Variants in TMEM271 observed in about 807,000 individuals in gnomAD.
TMEM271 encodes the protein transmembrane protein 271.
In TMEM271 at chr4:576,253, G is replaced by A; in HGVS notation, c.-191C>T. 1.3e-5 allele frequency: 2 copies of A among 152,038 alleles called. No homozygotes were observed. Among genetic ancestry groups the A allele is most frequent in the Non-Finnish European group, 1.4e-5 (1 of 71,680 alleles). The allele number at this position is 152,038 out of a possible 1,614,324, so 9.4% of individuals were successfully genotyped here. The stretch of plus-strand genomic sequence containing the variant: ...GCCTCCCGCCGCCGCCGCCGCCGCC[G>A]CCGCCGCCGCGACCCCGCGCCGGGA... On this transcript the variant is annotated 5_prime_UTR_variant, in exon 1 of 1. Coordinates refer to ENST00000610212, the MANE Select transcript of TMEM271 (RefSeq NM_001362796.2).
At position 574,737 on chromosome 4, in the gene TMEM271, AG is replaced by A. The variant is rs972964527; in HGVS notation, c.*167del. On this transcript the variant is annotated 3_prime_UTR_variant, in exon 1 of 1. Coordinates refer to ENST00000610212, the MANE Select transcript of TMEM271 (RefSeq NM_001362796.2). ...CCTCCTGTGGTCACGGAGCCCGCAG[AG>A]GGGGCCAGGCCGGAGGCTGCAAAGC... 2.6e-5 allele frequency: 10 copies of A among 391,524 alleles called. No individual in the cohort carries two copies. Among genetic ancestry groups the A allele is most frequent in the African/African-American group, 6.2e-5 (3 of 48,332 alleles). The allele number at this position is 391,524 out of a possible 1,614,324, so 24.3% of individuals were successfully genotyped here.
chr4:574,263 C>T lies in TMEM271; in HGVS notation c.*642G>A, dbSNP rs1732391126. 1 of 152,220 alleles carries T rather than the reference C, an allele frequency of 6.6e-6. No individual in the cohort carries two copies. The highest frequency in any genetic ancestry group is 1.5e-5 in the Non-Finnish European group (1 of 68,046). 9.4% of individuals were successfully genotyped at this position (152,220 alleles called of 1,614,324 possible). A position where few individuals can be genotyped will look rare whatever the true frequency, so the allele number is the denominator to read the frequency against. ...CCACACTGACTTGTGCGTAGACATC[C>T]TCTAATTCCAATTTGATGAATATTC... On this transcript the variant is annotated 3_prime_UTR_variant, in exon 1 of 1. Coordinates refer to ENST00000610212, the MANE Select transcript of TMEM271 (RefSeq NM_001362796.2).
At position 575,256 on chromosome 4, in the gene TMEM271, C is replaced by A. The variant is rs1732410417; in HGVS notation, c.807G>T (p.Gly269=). The A allele has an allele frequency of 6.2e-6, 1 of 162,278 alleles. No individual in the cohort carries two copies. Among genetic ancestry groups the A allele is most frequent in the Non-Finnish European group, 1.3e-5 (1 of 76,450 alleles). 10.1% of individuals were successfully genotyped at this position (162,278 alleles called of 1,614,324 possible). The change falls in exon 1 of 1, where the codon GGG becomes GGT. Residue 269 remains glycine, a synonymous_variant. Coordinates refer to ENST00000610212, the MANE Select transcript of TMEM271 (RefSeq NM_001362796.2). ...RALARPRGGS[G]LRAQPPASRA... ...GAGAGGCGGGCGGCTGCGCGCGGAG[C>A]CCGGAGCCGCCGCGGGGCCGCGCCA...
rs531659290 is a variant in TMEM271 at position 576,232 on chromosome 4, C to CCCGCCGCCGCCG, written c.-182_-171dup. 7.4e-5 allele frequency: 11 copies of CCCGCCGCCGCCG among 149,342 alleles called. No homozygotes were observed. The highest frequency in any genetic ancestry group is 3.6e-4 in the South Asian group (2 of 5,536). 9.3% of individuals were successfully genotyped at this position (149,342 alleles called of 1,614,324 possible). A position where few individuals can be genotyped will look rare whatever the true frequency, so the allele number is the denominator to read the frequency against. Reference sequence around the variant, plus strand: ...CCGCCGGAGCCCGCATCCTCCGCCTCCCGCCGCCGCCGCCGCCGCCGCCGC... The same window carrying CCCGCCGCCGCCG: ...CCGCCGGAGCCCGCATCCTCCGCCTCCCGCCGCCGCCGCCGCCGCCGCCGCCGCCGCCGCCGC... On this transcript the variant is annotated 5_prime_UTR_variant, in exon 1 of 1. Coordinates refer to ENST00000610212, the MANE Select transcript of TMEM271 (RefSeq NM_001362796.2).
rs1156969033 is a variant in TMEM271, at chr4:575,862, G to C, written c.201C>G (p.Ala67=). Residue 67 remains alanine (A), a synonymous_variant, in exon 1 of 1, where the codon GCC becomes GCG. Transcript: ENST00000610212. ...CCCGGGGTCCGCAGCAGAGCAGGGC[G>C]GCGCCGAGCAGTGAGAGGCCGGCGG... ...LLAAGLSLLG[A]ALLCCGPRDA... The C allele has an allele frequency of 1.1e-5, 4 of 369,592 alleles. No individual in the cohort carries two copies. Among genetic ancestry groups the C allele is most frequent in the African/African-American group, 8.5e-5 (4 of 47,158 alleles). The allele number at this position is 369,592 out of a possible 1,614,324, so 22.9% of individuals were successfully genotyped here. A position where few individuals can be genotyped will look rare whatever the true frequency, so the allele number is the denominator to read the frequency against.
Position 575,639 on chromosome 4 carries a change from C to T in TMEM271, c.424G>A (p.Asp142Asn). Residue 142 changes from aspartate (D) to asparagine (N), a missense_variant, in exon 1 of 1, where the codon GAC becomes AAC. Coordinates refer to ENST00000610212, the MANE Select transcript of TMEM271 (RefSeq NM_001362796.2). ...VLSAFAGAVIDGDTVSLVERK... is the reference protein window; with the variant it reads ...VLSAFAGAVINGDTVSLVERK... The stretch of plus-strand genomic sequence containing the variant: ...TCCACCAGGGACACGGTGTCGCCGT[C>T]GATCACGGCGCCCGCGAATGCGCTG... The T allele has an allele frequency of 2.8e-6, 1 of 362,168 alleles. No homozygotes were observed. The allele number at this position is 362,168 out of a possible 1,614,324, so 22.4% of individuals were successfully genotyped here.
Position 575,709 on chromosome 4 carries a change from C to T in TMEM271, c.354G>A (p.Gln118=), listed in dbSNP as rs188202960. 1,218 of 356,206 alleles carry T rather than the reference C, an allele frequency of 3.4e-3. 18 individuals carry two copies. The highest frequency in any genetic ancestry group is 0.024 in the African/African-American group (1,104 of 46,780). The allele number at this position is 356,206 out of a possible 1,614,324, so 22.1% of individuals were successfully genotyped here. The change falls in exon 1 of 1, where the codon CAG becomes CAA. Residue 118 remains glutamine, a synonymous_variant. Transcript: ENST00000610212. ...CCAGGACGCCGAGCAGAAGCAGGTT[C>T]TGGCTGCTCACCGGCCCCGGGGCCC... ...AAGAPGPVSS[Q]NLLLLGVLVF...
chr4:575,709 C>G lies in TMEM271; in HGVS notation c.354G>C (p.Gln118His), dbSNP rs188202960. 2.8e-6 allele frequency: 1 copy of G among 356,096 alleles called. No homozygotes were observed. The allele number at this position is 356,096 out of a possible 1,614,324, so 22.1% of individuals were successfully genotyped here. A position where few individuals can be genotyped will look rare whatever the true frequency, so the allele number is the denominator to read the frequency against. ...CCAGGACGCCGAGCAGAAGCAGGTT[C>G]TGGCTGCTCACCGGCCCCGGGGCCC... ...AAGAPGPVSS[Q>H]NLLLLGVLVF... The change falls in exon 1 of 1, where the codon CAG becomes CAC. Residue 118 changes from glutamine (Q) to histidine (H), a missense_variant. Transcript: ENST00000610212.
Position 575,941 on chromosome 4 carries a change from T to TC in TMEM271, c.121dup (p.Glu41GlyfsTer188). The stretch of plus-strand genomic sequence containing the variant: ...GGCGGCGGCCCCCAGGCGGAACGGC[T>TC]CCCCGCGCAGCTCCGAGCCCAACGA... On this transcript the variant is annotated frameshift_variant, in exon 1 of 1. Coordinates refer to ENST00000610212, the MANE Select transcript of TMEM271 (RefSeq NM_001362796.2). LOFTEE classifies it high-confidence loss of function. The TC allele has an allele frequency of 2.7e-6, 1 of 373,006 alleles. No individual in the cohort carries two copies. The highest frequency in any genetic ancestry group is 4.8e-6 in the Non-Finnish European group (1 of 209,974). The allele number at this position is 373,006 out of a possible 1,614,324, so 23.1% of individuals were successfully genotyped here.
In TMEM271 at chr4:574,103, T is replaced by C. The variant is rs543379770; in HGVS notation, c.*802A>G. 5 of 145,734 alleles carry C rather than the reference T, an allele frequency of 3.4e-5. No homozygotes were observed. The highest frequency in any genetic ancestry group is 2.0e-4 in the Admixed American group (3 of 14,702). The allele number at this position is 145,734 out of a possible 1,614,324, so 9.0% of individuals were successfully genotyped here. On this transcript the variant is annotated 3_prime_UTR_variant, in exon 1 of 1. Transcript: ENST00000610212. The stretch of plus-strand genomic sequence containing the variant: ...AAAAAAAAAGAAAAGAAAAAAGAAA[T>C]GTATGGGATGTGGCATCAGGGTCTC...
chr4:575,514 G>C lies in TMEM271; in HGVS notation c.549C>G (p.Pro183=), dbSNP rs1227251210. Residue 183 remains proline (P), a synonymous_variant, in exon 1 of 1, where the codon CCC becomes CCG. Coordinates refer to ENST00000610212, the MANE Select transcript of TMEM271 (RefSeq NM_001362796.2). Reference sequence around the variant, plus strand: ...CGGGGGCCGAGCCCGGCGCCGAGCCGGGGGCCGAGCCCGGGGCCGAGCCGG... The same window carrying C: ...CGGGGGCCGAGCCCGGCGCCGAGCCCGGGGCCGAGCCCGGGGCCGAGCCGG... ...STPGSAPGSA[P]GSAPGSAPGA... The C allele has an allele frequency of 1.6e-5, 5 of 306,148 alleles. No homozygotes were observed. Among genetic ancestry groups the C allele is most frequent in the East Asian group, 1.0e-4 (2 of 19,930 alleles). The allele number at this position is 306,148 out of a possible 1,614,324, so 19.0% of individuals were successfully genotyped here.
rs1037125935 is a variant in TMEM271, at chr4:574,463, T to A, written c.*442A>T. The A allele has an allele frequency of 1.3e-5, 2 of 158,920 alleles. No individual in the cohort carries two copies. Among genetic ancestry groups the A allele is most frequent in the African/African-American group, 4.8e-5 (2 of 41,744 alleles). 9.8% of individuals were successfully genotyped at this position (158,920 alleles called of 1,614,324 possible). Reference sequence around the variant, plus strand: ...GGTGTTCTCACTTCTTCTTTCTGAATTACCAGCTGCTCTGCGTCTCTGTCT... The same window carrying A: ...GGTGTTCTCACTTCTTCTTTCTGAAATACCAGCTGCTCTGCGTCTCTGTCT... On this transcript the variant is annotated 3_prime_UTR_variant, in exon 1 of 1. Transcript: ENST00000610212.
Position 575,503 on chromosome 4 carries a change from G to A in TMEM271, c.560C>T (p.Pro187Leu), listed in dbSNP as rs1577196621. 3.4e-5 allele frequency: 10 copies of A among 294,724 alleles called. No individual in the cohort carries two copies. In the East Asian group the frequency reaches 5.8e-4, roughly 17 times the overall value. 18.3% of individuals were successfully genotyped at this position (294,724 alleles called of 1,614,324 possible). ...GCGCGGGGCGCCGGGGGCCGAGCCC[G>A]GCGCCGAGCCGGGGGCCGAGCCCGG... ...SAPGSAPGSAPGSAPGAPRAR... is the reference protein window; with the variant it reads ...SAPGSAPGSALGSAPGAPRAR... The change falls in exon 1 of 1, where the codon CCG (proline) becomes CTG (leucine). Residue 187 changes from proline (P) to leucine (L), a missense_variant. Physicochemically the swap from Pro to Leu is moderately conservative, Grantham distance 98. Transcript: ENST00000610212.
rs1179908907 is a variant in TMEM271, at chr4:574,933, CGCGGCGTCTCGCAGGGCG to C, written c.1112_1129del (p.Pro371_Pro376del). On this transcript the variant is annotated inframe_deletion, in exon 1 of 1. Transcript: ENST00000610212. The stretch of plus-strand genomic sequence containing the variant: ...GCAGGCCCGATGGGTCTCCCAGGGC[CGCGGCGTCTCGCAGGGCG>C]GCCGGCAGCAGTAGGGGTAGGAGGC... The C allele has an allele frequency of 5.0e-6, 2 of 396,704 alleles. No individual in the cohort carries two copies. Among genetic ancestry groups the C allele is most frequent in the East Asian group, 7.2e-5 (2 of 27,958 alleles). The allele number at this position is 396,704 out of a possible 1,614,324, so 24.6% of individuals were successfully genotyped here. A position where few individuals can be genotyped will look rare whatever the true frequency, so the allele number is the denominator to read the frequency against.
Position 575,520 on chromosome 4 carries a change from C to CGAGCCCGGGGCCGAGCCGGGGGTT in TMEM271, c.519_542dup (p.Thr174_Ser181dup), listed in dbSNP as rs1455245861. On this transcript the variant is annotated inframe_insertion, in exon 1 of 1. Transcript: ENST00000610212. ...CCGAGCCCGGCGCCGAGCCGGGGGC[C>CGAGCCCGGGGCCGAGCCGGGGGTT]GAGCCCGGGGCCGAGCCGGGGGTTG... is the stretch of plus-strand genomic sequence containing the variant. 3.9e-5 allele frequency: 12 copies of CGAGCCCGGGGCCGAGCCGGGGGTT among 304,538 alleles called. No individual in the cohort carries two copies. The highest frequency in any genetic ancestry group is 1.4e-4 in the African/African-American group (6 of 41,820). 18.9% of individuals were successfully genotyped at this position (304,538 alleles called of 1,614,324 possible). A position where few individuals can be genotyped will look rare whatever the true frequency, so the allele number is the denominator to read the frequency against.
Position 575,379 on chromosome 4 carries a change from C to T in TMEM271, c.684G>A (p.Glu228=). The stretch of plus-strand genomic sequence containing the variant: ...GGAGGCTGAGCAGGCCCAGCAGGCA[C>T]TCAAGCGAGTTGAAGACGGTGGAGA... ...LVLSTVFNSL[E]CLLGLLSLLL... The change falls in exon 1 of 1, where the codon GAG becomes GAA. Residue 228 remains glutamate (E), a synonymous_variant. Transcript: ENST00000610212. 1 of 276,812 alleles carries T rather than the reference C, an allele frequency of 3.6e-6. No homozygotes were observed. Among genetic ancestry groups the T allele is most frequent in the East Asian group, 5.6e-5 (1 of 17,720 alleles). The allele number at this position is 276,812 out of a possible 1,614,324, so 17.1% of individuals were successfully genotyped here. A position where few individuals can be genotyped will look rare whatever the true frequency, so the allele number is the denominator to read the frequency against.
rs1437819456 is a variant in TMEM271 at position 576,039 on chromosome 4, G to A, written c.24C>T (p.Ala8=). 9 of 341,592 alleles carry A rather than the reference G, an allele frequency of 2.6e-5. No homozygotes were observed. Among genetic ancestry groups the A allele is most frequent in the African/African-American group, 1.5e-4 (7 of 45,944 alleles). 21.2% of individuals were successfully genotyped at this position (341,592 alleles called of 1,614,324 possible). A position where few individuals can be genotyped will look rare whatever the true frequency, so the allele number is the denominator to read the frequency against. MKWSVRG[A]CAALSSCLLL... The stretch of plus-strand genomic sequence containing the variant: ...GGAGGCAGGAGGAGAGCGCGGCGCA[G>A]GCCCCGCGGACGCTCCACTTCATCC... The change falls in exon 1 of 1, where the codon GCC becomes GCT. Residue 8 remains alanine (A), a synonymous_variant. Transcript: ENST00000610212.
In TMEM271 at chr4:574,705, G is replaced by A. The variant is rs538997870; in HGVS notation, c.*200C>T. On this transcript the variant is annotated 3_prime_UTR_variant, in exon 1 of 1. Coordinates refer to ENST00000610212, the MANE Select transcript of TMEM271 (RefSeq NM_001362796.2). ...CCCAGATACAGAAATGGTCACATCA[G>A]GGGCCCCCTCCTGTGGTCACGGAGC... The A allele has an allele frequency of 2.6e-6, 1 of 390,336 alleles. No homozygotes were observed. Among genetic ancestry groups the A allele is most frequent in the Non-Finnish European group, 4.5e-6 (1 of 221,266 alleles). The allele number at this position is 390,336 out of a possible 1,614,324, so 24.2% of individuals were successfully genotyped here. A position where few individuals can be genotyped will look rare whatever the true frequency, so the allele number is the denominator to read the frequency against.
chr4:575,487 G>A lies in TMEM271; in HGVS notation c.576C>T (p.Gly192=), dbSNP rs1732415618. The change falls in exon 1 of 1, where the codon GGC becomes GGT. Residue 192 remains glycine, a synonymous_variant. Transcript: ENST00000610212. The stretch of plus-strand genomic sequence containing the variant: ...CCAGGGTGCTGCGAGCGCGCGGGGC[G>A]CCGGGGGCCGAGCCCGGCGCCGAGC... ...APGSAPGSAP[G]APRARSTLDS... The A allele has an allele frequency of 7.2e-6, 2 of 276,486 alleles. No homozygotes were observed. The highest frequency in any genetic ancestry group is 6.7e-6 in the Non-Finnish European group (1 of 149,596). 17.1% of individuals were successfully genotyped at this position (276,486 alleles called of 1,614,324 possible). A position where few individuals can be genotyped will look rare whatever the true frequency, so the allele number is the denominator to read the frequency against.
Sources: allele counts gnomAD v4.1 joint callset, GRCh38; gene constraint gnomAD v4.1.1; transcripts MANE v1.5; gene names NCBI Gene and HGNC (gene_info 2026-07-23, HGNC 2026-07-21).